Variants in AKR1C3 observed in about 807,000 individuals in gnomAD.
AKR1C3 encodes the protein aldo-keto reductase family 1 member C3, also known as 3-alpha hydroxysteroid dehydrogenase, type II.
Under a neutral mutation model 43.6 loss-of-function variants are expected in AKR1C3, and 48 were observed. The ratio of observed to expected loss-of-function variants is 1.10; its 90% CI spans 0.87 to 1.40. The LOEUF (loss-of-function observed/expected upper bound fraction) is 1.40. Ranked by LOEUF, AKR1C3 falls within the 40% of genes most tolerant of loss-of-function variation. The probability of loss-of-function intolerance (pLI) is 0.00; values close to 1 mark genes in which losing one functional copy is unlikely to be tolerated. For missense variants in AKR1C3, 482 were observed against 391.2 expected (o/e 1.23, Z -1.96); for synonymous variants, 162 against 139.6 (o/e 1.16, Z -1.13).
At chr10:5,074,128 C>A (rs1892403) in intron 1 of AKR1C3, among the ~76,000 whole-genome samples, 36 of 152,050 alleles carry the variant, frequency 2.4e-4, no homozygotes, top group African/African-American at 7.2e-5. Flanking sequence ...TCAAGTTGTC[C>A]CACCTTTCCG....
At chr10:5,076,653 C>T (rs10752001) in intron 1 of AKR1C3, among the ~76,000 whole-genome samples, 129,858 of 151,940 alleles carry the variant, frequency 0.85, 55,597 homozygotes, top group Middle Eastern at 0.92. Context: ...ATGCTCTGTA[C>T]TAATTCATGC....
chr10:5,067,394 T>C (rs1554780887), intron 1 of AKR1C3, among the ~76,000 whole-genome samples: 1 of 152,190 alleles, frequency 6.6e-6, no homozygotes, highest in Non-Finnish European at 1.5e-5. Context: ...CCAATGAGTG[T>C]ACAATTCCAA....
In AKR1C3 at chr10:5,102,603, G is replaced by T. The variant is rs782593331; in HGVS notation, c.799G>T (p.Val267Phe). Residue 267 changes from valine to phenylalanine, a missense_variant, in exon 7 of 9, where the codon GTC becomes TTC. By Grantham distance (50) the Val-to-Phe change is conservative. Coordinates refer to ENST00000380554, the MANE Select transcript of AKR1C3 (RefSeq NM_003739.6). ...CTACCAGCTGCAGCGTGGGGTTGTGGTCCTGGCCAAGAGCTACAATGAGCA... is the reference window on the plus strand; with the variant it reads ...CTACCAGCTGCAGCGTGGGGTTGTGTTCCTGGCCAAGAGCTACAATGAGCA... ...LRYQLQRGVV[V>F]LAKSYNEQRI... 8 of 1,528,490 alleles carry T rather than the reference G, an allele frequency of 5.2e-6. No individual in the cohort carries two copies. The highest frequency in any genetic ancestry group is 7.0e-6 in the Non-Finnish European group (8 of 1,136,744). 94.7% of individuals were successfully genotyped at this position (1,528,490 alleles called of 1,614,324 possible).
chr10:5,107,421 G>A (rs1224072905), intron 8 of AKR1C3, 40 bp from the exon 9 acceptor site: 3 of 1,378,426 alleles, frequency 2.2e-6, no homozygotes, highest in Non-Finnish European at 3.1e-6. Flanking sequence ...CCCTAGTAAT[G>A]GAGTCATTGC....
chr10:5,085,471 G>C (rs6601903), intron 1 of AKR1C3, among the ~76,000 whole-genome samples: 2 of 151,498 alleles, frequency 1.3e-5, no homozygotes, highest in Admixed American at 6.6e-5. Context: ...TGCTGGATTC[G>C]GTTTGCCAGT....
At position 5,087,344 on chromosome 10, in the gene AKR1C3, T is replaced by C. The variant is rs975382369; in HGVS notation, c.85-9066T>C. ...TCACTGATACTCTCTTGTATTTCTC[T>C]GATATCAGTTTTAATGTCACCTTTA... On this transcript the variant is annotated intron_variant, in intron 1 of 8. Transcript: ENST00000439082. Among the ~76,000 whole-genome samples the C allele has an allele frequency of 2.6e-5, 4 of 151,620 alleles. No individual in the cohort carries two copies. In the East Asian group the frequency reaches 5.8e-4, roughly 22 times the overall value.
intron 3 of AKR1C3, chr10:5,097,778 T>A (rs1839245108): frequency 7.8e-7 from 1 of 1,279,758 alleles, no homozygotes. Flanking sequence ...AGCCTCTTCC[T>A]CAAAAACTTG....
chr10:5,074,432 G>A (rs1416180566), intron 1 of AKR1C3, among the ~76,000 whole-genome samples: 2 of 152,202 alleles, frequency 1.3e-5, no homozygotes, highest in East Asian at 1.9e-4. Context: ...TATGAGAGAG[G>A]CTTGCACCTG....
rs1838935896 is a variant in AKR1C3 at position 5,085,207 on chromosome 10, TG to T, written c.85-11200del. Among the ~76,000 whole-genome samples the T allele has an allele frequency of 2.0e-5, 3 of 152,202 alleles. No individual in the cohort carries two copies. In the South Asian group the frequency reaches 6.2e-4, roughly 32 times the overall value. ...TGCCCATTCAGTATGATATTAGCTG[TG>T]GGTTTGTCATAGATAGCTCTTATTA... is the stretch of plus-strand genomic sequence containing the variant. On this transcript the variant is annotated intron_variant, in intron 1 of 8. Coordinates refer to the AKR1C3 transcript ENST00000439082.
Position 5,107,607 on chromosome 10 carries a change from C to T in AKR1C3, c.*104C>T, listed in dbSNP as rs182208793. Reference sequence around the variant, plus strand: ...TGGACATATCACCTCTACTTAAATCCGTCCTGTTTAGCGACTTCAGTCAAC... The same window carrying T: ...TGGACATATCACCTCTACTTAAATCTGTCCTGTTTAGCGACTTCAGTCAAC... On this transcript the variant is annotated 3_prime_UTR_variant, in exon 9 of 9. Coordinates refer to ENST00000380554, the MANE Select transcript of AKR1C3 (RefSeq NM_003739.6). The T allele has an allele frequency of 5.7e-5, 51 of 893,540 alleles. No individual in the cohort carries two copies. The highest frequency in any genetic ancestry group is 1.7e-4 in the African/African-American group (10 of 58,316). The allele number at this position is 893,540 out of a possible 1,614,324, so 55.4% of individuals were successfully genotyped here.
intron 1 of AKR1C3, among the ~76,000 whole-genome samples, chr10:5,073,886 T>A (rs926703225): frequency 6.6e-6 from 1 of 152,048 alleles, no homozygotes; most frequent in Admixed American, 6.6e-5. Context: ...AATATTTCAC[T>A]CTTGGGAAAG....
chr10:5,076,368 T>C (rs1391537654), intron 1 of AKR1C3, among the ~76,000 whole-genome samples: 3 of 151,966 alleles, frequency 2.0e-5, no homozygotes, highest in Non-Finnish European at 4.4e-5. Context: ...TTATCGGAGA[T>C]TGAAATCCTG....
chr10:5,094,503 G>T lies in AKR1C3; in HGVS notation c.59G>T (p.Gly20Val), dbSNP rs782398486. 5.0e-6 allele frequency: 8 copies of T among 1,612,718 alleles called. No individual in the cohort carries two copies. The highest frequency in any genetic ancestry group is 5.9e-6 in the Non-Finnish European group (7 of 1,179,078). ...GATGGCCACTTCATGCCTGTATTGG[G>T]ATTTGGCACCTATGCACCTCCAGAG... ...LNDGHFMPVL[G>V]FGTYAPPEVP... Residue 20 changes from glycine to valine, a missense_variant, in exon 1 of 9, where the codon GGA becomes GTA. By Grantham distance (109) the Gly-to-Val change is moderately radical. Transcript: ENST00000380554.
chr10:5,089,519 G>A (rs782464637), upstream of AKR1C3, among the ~76,000 whole-genome samples: 4 of 151,934 alleles, frequency 2.6e-5, no homozygotes, highest in Admixed American at 6.6e-5. Context: ...GCTTTCTTCT[G>A]CTGGTTTAGT....
intron 1 of AKR1C3, among the ~76,000 whole-genome samples, chr10:5,086,706 A>T (rs567011013): frequency 1.5e-4 from 23 of 152,202 alleles, no homozygotes; most frequent in African/African-American, 5.1e-4. Context: ...ATTGTGTGGG[A>T]ATCTAAGTCT....
At chr10:5,068,073 A>T (rs774288264) in intron 1 of AKR1C3, among the ~76,000 whole-genome samples, 2 of 152,170 alleles carry the variant, frequency 1.3e-5, no homozygotes, top group Non-Finnish European at 2.9e-5. Flanking sequence ...AAAATCTGAC[A>T]AAGTATTTTC....
intron 1 of AKR1C3, 169 bp from the exon 2 acceptor site, chr10:5,096,241 G>A: frequency 1.6e-5 from 12 of 733,998 alleles, no homozygotes; most frequent in Non-Finnish European, 2.5e-5. Context: ...TTTCTGGGAT[G>A]CTCAACCTTT....
intron 3 of AKR1C3, 94 bp downstream of exon 3, chr10:5,097,644 T>G: frequency 6.3e-7 from 1 of 1,598,794 alleles, no homozygotes; most frequent in East Asian, 2.3e-5. Context: ...ATTAGGAGGA[T>G]GTAGGGATTA....
intron 1 of AKR1C3, among the ~76,000 whole-genome samples, chr10:5,066,209 G>A (rs1838498094): frequency 6.6e-6 from 1 of 152,170 alleles, no homozygotes; most frequent in Non-Finnish European, 1.5e-5. Context: ...TAGGATCTGT[G>A]TGTTTCCTTA....
Sources: allele counts gnomAD v4.1 joint callset (sites outside exome capture counted in the v4.1 genomes callset), GRCh38; gene constraint gnomAD v4.1.1; transcripts MANE v1.5; gene names NCBI Gene and HGNC (gene_info 2026-07-23, HGNC 2026-07-21).